Variants in PCNX1 observed in about 807,000 individuals in gnomAD.
PCNX1 encodes the protein pecanex 1, also known as pecanex-like protein 1.
PCNX1 carries 78 observed loss-of-function variants against 242.2 expected under a neutral mutation model. The ratio of observed to expected loss-of-function variants is 0.32; its 90% CI spans 0.27 to 0.39. The LOEUF is 0.39. Ranked by LOEUF, PCNX1 falls within the 10% of genes least tolerant of loss-of-function variation. The pLI, the probability that PCNX1 is intolerant of heterozygous loss-of-function variation, is 1.00. For synonymous variants in PCNX1, 1,024 were observed against 1,032.9 expected, an observed-to-expected ratio of 0.99 and a Z score of 0.17; for missense variants, 2,581 against 2,856.5, an observed-to-expected ratio of 0.90 and a Z score of 2.20.
At chr14:70,965,977 C>A (rs1595077417) in intron 3 of PCNX1, among the ~76,000 whole-genome samples, 1 of 152,136 alleles carries the variant, frequency 6.6e-6, no homozygotes, top group South Asian at 2.1e-4. Context: ...TTTACATTTT[C>A]ATTTTTAGGA....
chr14:70,926,607 C>T (rs1002933889), intron 1 of PCNX1, among the ~76,000 whole-genome samples: 1 of 152,114 alleles, frequency 6.6e-6, no homozygotes, highest in Non-Finnish European at 1.5e-5. Flanking sequence ...CTATAATGCA[C>T]ATGACAGCGC....
At chr14:71,025,236 T>C (rs1374671748) in intron 13 of PCNX1, among the ~76,000 whole-genome samples, 2 of 152,232 alleles carry the variant, frequency 1.3e-5, no homozygotes, top group Non-Finnish European at 2.9e-5. Context: ...ATGTTACTAA[T>C]AGTATTTATT....
Position 71,110,755 on chromosome 14 carries a change from A to G in PCNX1, c.*820A>G, listed in dbSNP as rs1012273052. On this transcript the variant is annotated 3_prime_UTR_variant, in exon 36 of 36. Transcript: ENST00000304743. The stretch of plus-strand genomic sequence containing the variant: ...TTGACATTTCCCAGAGCCAATAGTC[A>G]GCGGATCGGTCTTGTGAACACCACT... 3.3e-5 allele frequency: 5 copies of G among 152,716 alleles called. No individual in the cohort carries two copies. Among genetic ancestry groups the G allele is most frequent in the African/African-American group, 1.2e-4 (5 of 41,468 alleles). 9.5% of individuals were successfully genotyped at this position (152,716 alleles called of 1,614,324 possible).
At position 70,907,914 on chromosome 14, in the gene PCNX1, T is replaced by A; in HGVS notation, c.64T>A (p.Tyr22Asn). 6.3e-7 allele frequency: 1 copy of A among 1,588,612 alleles called. No homozygotes were observed. The highest frequency in any genetic ancestry group is 1.9e-4 in the Middle Eastern group (1 of 5,342). ...GTGGGCCGCGCTCAGCGGGGGCTGG[T>A]ACTACGACCCGCACCAGGCCACCTT... The part of the protein sequence containing the change: ...GVWAALSGGW[Y>N]YDPHQATFVN... Residue 22 changes from tyrosine to asparagine, a missense_variant, in exon 1 of 36, where the codon TAC becomes AAC. Coordinates refer to ENST00000304743, the MANE Select transcript of PCNX1 (RefSeq NM_014982.3).
At chr14:70,995,143 T>C (rs1362379641) in intron 7 of PCNX1, among the ~76,000 whole-genome samples, 2 of 152,238 alleles carry the variant, frequency 1.3e-5, no homozygotes, top group Non-Finnish European at 2.9e-5. Context: ...CCTCTGACTA[T>C]ATTCCATGGC....
At position 70,977,494 on chromosome 14, in the gene PCNX1, G is replaced by A. The variant is rs1266233073; in HGVS notation, c.1157G>A (p.Cys386Tyr). ...TRSSGSTESY[C>Y]SGTDRDTNST... ...AGTAGTGGGTCAACAGAAAGCTACT[G>A]CAGTGGAACGGACCGGGACACTAAC... The change falls in exon 6 of 36, where the codon TGC becomes TAC. Residue 386 changes from cysteine to tyrosine, a missense_variant. Physicochemically the swap from Cys to Tyr is radical, Grantham distance 194 (BLOSUM62 -2). Transcript: ENST00000304743. The A allele has an allele frequency of 6.2e-7, 1 of 1,614,020 alleles. No homozygotes were observed. Among genetic ancestry groups the A allele is most frequent in the African/African-American group, 1.3e-5 (1 of 74,924 alleles).
chr14:70,952,266 T>A (rs915096303), intron 2 of PCNX1, among the ~76,000 whole-genome samples: 1 of 152,226 alleles, frequency 6.6e-6, no homozygotes, highest in Admixed American at 6.5e-5. Context: ...TCTTTTACTT[T>A]AAAAATTTTT....
rs754359660 is a variant in PCNX1, at chr14:71,046,983, G to C, written c.4038G>C (p.Trp1346Cys). 6.2e-7 allele frequency: 1 copy of C among 1,610,202 alleles called. No homozygotes were observed. ...TGTTAGATGCAGCCACTATGATGTG[G>C]TTTGAGAAACTTCATGTGTGGCTTC... is the stretch of plus-strand genomic sequence containing the variant. ...YEVRNAATMM[W>C]FEKLHVWLLF... is the part of the protein sequence containing the mutation. Residue 1346 changes from tryptophan to cysteine, a missense_variant, in exon 21 of 36, where the codon TGG becomes TGC. This residue lies in a region of PCNX1 where 432 missense variants were observed against 443.1 expected (regional missense o/e 0.97). Transcript: ENST00000304743.
At chr14:71,045,367 T>C in intron 20 of PCNX1, 84 bp downstream of exon 20, 1 of 939,054 alleles carries the variant, frequency 1.1e-6, no homozygotes, top group Non-Finnish European at 1.6e-6. Context: ...GTTAAGTGAA[T>C]ATCATAACAG....
chr14:71,114,946 G>GC lies in PCNX1; in HGVS notation c.*5011_*5012insC, dbSNP rs1491018150. 1 of 68,376 alleles carries GC rather than the reference G, an allele frequency of 1.5e-5. No individual in the cohort carries two copies. Among genetic ancestry groups the GC allele is most frequent in the Non-Finnish European group, 2.4e-5 (1 of 41,068 alleles). 4.2% of individuals were successfully genotyped at this position (68,376 alleles called of 1,614,324 possible). A position where few individuals can be genotyped will look rare whatever the true frequency, so the allele number is the denominator to read the frequency against. On this transcript the variant is annotated 3_prime_UTR_variant, in exon 36 of 36. Coordinates refer to ENST00000304743, the MANE Select transcript of PCNX1 (RefSeq NM_014982.3). ...TCTACAACCAAAATAATAGAAATGGGGGGGGGGGGGGGAATCATGTCTGCT... is the reference window on the plus strand; with the variant it reads ...TCTACAACCAAAATAATAGAAATGGGCGGGGGGGGGGGGAATCATGTCTGCT...
chr14:71,078,752 T>C (rs2061777999), intron 28 of PCNX1: 1 of 152,254 alleles, frequency 6.6e-6, no homozygotes, highest in African/African-American at 2.4e-5. Flanking sequence ...AGGTACAATA[T>C]AATATCTTTT....
At chr14:71,099,078 G>A (rs1480349459) in intron 30 of PCNX1, among the ~76,000 whole-genome samples, 2 of 151,908 alleles carry the variant, frequency 1.3e-5, no homozygotes, top group South Asian at 2.1e-4. Context: ...CCATGTAATT[G>A]TGTGGTTTTC....
chr14:71,034,108 CT>C (rs929272608), intron 18 of PCNX1, 72 bp downstream of exon 18: 1 of 791,634 alleles, frequency 1.3e-6, no homozygotes, highest in Non-Finnish European at 2.1e-6. Flanking sequence ...ATGAGGAACA[CT>C]TTTTGAAAGT....
At chr14:70,988,063 T>C (rs1239755367) in intron 6 of PCNX1, among the ~76,000 whole-genome samples, 1 of 152,220 alleles carries the variant, frequency 6.6e-6, no homozygotes, top group East Asian at 1.9e-4. Flanking sequence ...GCCAAAATTA[T>C]GGCACAGGGT....
intron 22 of PCNX1, chr14:71,049,227 TA>T (rs1265717345): frequency 2.3e-6 from 1 of 426,416 alleles, no homozygotes; most frequent in Non-Finnish European, 3.1e-6. Context: ...TTGTTAAATA[TA>T]TTTTTTAAAA....
At chr14:71,037,066 C>G (rs1211756696) in intron 19 of PCNX1, among the ~76,000 whole-genome samples, 7 of 151,992 alleles carry the variant, frequency 4.6e-5, no homozygotes, top group African/African-American at 7.3e-5. Flanking sequence ...AATGGGAGTT[C>G]ACTCATGATT....
At chr14:70,919,084 A>G (rs1477233129) in intron 1 of PCNX1, among the ~76,000 whole-genome samples, 1 of 151,742 alleles carries the variant, frequency 6.6e-6, no homozygotes, top group Non-Finnish European at 1.5e-5. Flanking sequence ...GGGTCTTGGT[A>G]TGTTGCCCAG....
At chr14:71,106,683 T>G (rs2062631592) in intron 33 of PCNX1, among the ~76,000 whole-genome samples, 1 of 152,174 alleles carries the variant, frequency 6.6e-6, no homozygotes, top group Non-Finnish European at 1.5e-5. Context: ...TTAATTTTAT[T>G]CTTTTAATTT....
chr14:71,030,897 C>A (rs564516198), intron 16 of PCNX1, among the ~76,000 whole-genome samples: 39 of 152,210 alleles, frequency 2.6e-4, no homozygotes, highest in Non-Finnish European at 5.3e-4. Flanking sequence ...TTGCCTTATA[C>A]TAATTCAAAT....
Sources: gnomAD v4.1 joint callset for allele counts (sites outside exome capture counted in the v4.1 genomes callset) on GRCh38, gnomAD v4.1.1 for gene constraint, gnomAD v4.1.1 regional missense constraint, MANE v1.5 for transcripts, NCBI Gene and HGNC (gene_info 2026-07-23, HGNC 2026-07-21) for gene names.